Variants in GPHN observed in about 807,000 individuals in gnomAD.
GPHN encodes the protein gephyrin.
In GPHN, 17 loss-of-function variants were observed where a neutral mutation model predicts 95.5. The observed-to-expected ratio is 0.18, with a 90% CI of 0.12 to 0.27. GPHN has a LOEUF of 0.27. GPHN is among the 10% of genes least tolerant of loss of function. GPHN has a pLI of 1.00. For synonymous variants in GPHN, 320 were observed against 322.5 expected (o/e 0.99, Z 0.08); for missense variants, 660 against 978.1 (o/e 0.67, Z 4.34).
intron 11 of GPHN, among the ~76,000 whole-genome samples, chr14:67,067,429 A>G (rs2076106472): frequency 6.6e-6 from 1 of 152,180 alleles, no homozygotes; most frequent in Non-Finnish European, 1.5e-5. Context: ...TTGATGATGC[A>G]GTCTGTCCAT....
intron 5 of GPHN, among the ~76,000 whole-genome samples, chr14:66,912,489 CTATG>C (rs2065720130): frequency 6.6e-6 from 1 of 152,100 alleles, no homozygotes; most frequent in African/African-American, 2.4e-5. Context: ...AAACAATGCG[CTATG>C]TAACATGCTG....
intron 4 of GPHN, among the ~76,000 whole-genome samples, chr14:66,870,679 A>C (rs2063397850): frequency 6.6e-6 from 1 of 152,190 alleles, no homozygotes; most frequent in South Asian, 2.1e-4. Flanking sequence ...GATGAAACTA[A>C]AGTTGTGTTC....
At chr14:67,711,976 A>G in the GPHN span, among the ~76,000 whole-genome samples, 3 of 152,118 alleles carry the variant, frequency 2.0e-5, no homozygotes, top group Admixed American at 2.0e-4. Context: ...CTGAAGTGCA[A>G]TGGTGCGATC....
chr14:66,797,503 T>C (rs56094582), intron 3 of GPHN, among the ~76,000 whole-genome samples: 44,966 of 151,774 alleles, frequency 0.3, 10,735 homozygotes, highest in African/African-American at 0.63. Flanking sequence ...TTTATTTTAT[T>C]AGTGTATCAT....
At chr14:67,199,682 C>T in the GPHN span, 1 of 1,583,754 alleles carries the variant, frequency 6.3e-7, no homozygotes, top group Non-Finnish European at 8.7e-7. Context: ...TGACCGCCCT[C>T]ATCAGCTGTT....
At chr14:66,874,232 A>G (rs2063559905) in intron 4 of GPHN, among the ~76,000 whole-genome samples, 1 of 152,210 alleles carries the variant, frequency 6.6e-6, no homozygotes, top group Non-Finnish European at 1.5e-5. Context: ...GGATTTCCAC[A>G]CAGAAACCCC....
the GPHN span, among the ~76,000 whole-genome samples, chr14:67,552,983 T>C: frequency 9.2e-5 from 14 of 152,288 alleles, no homozygotes; most frequent in African/African-American, 3.4e-4. Flanking sequence ...GTGTTGTCAA[T>C]AACAGAGCGA....
the GPHN span, among the ~76,000 whole-genome samples, chr14:67,611,880 T>C: frequency 1.3e-5 from 2 of 152,138 alleles, no homozygotes; most frequent in East Asian, 1.9e-4. Context: ...TATACAACTC[T>C]CCATAATGTA....
intron 4 of GPHN, among the ~76,000 whole-genome samples, chr14:66,858,142 G>A (rs1157176616): frequency 6.6e-6 from 1 of 152,122 alleles, no homozygotes; most frequent in Non-Finnish European, 1.5e-5. Context: ...CCTGGGCTCA[G>A]ATACAGTGGG....
the GPHN span, among the ~76,000 whole-genome samples, chr14:67,361,143 A>G: frequency 6.6e-6 from 1 of 152,202 alleles, no homozygotes; most frequent in East Asian, 1.9e-4. Flanking sequence ...TAAGATAAGG[A>G]TATATTTTCG....
intron 1 of GPHN, among the ~76,000 whole-genome samples, chr14:66,645,790 C>T (rs529016229): frequency 6.6e-6 from 1 of 151,200 alleles, no homozygotes; most frequent in Admixed American, 6.6e-5. Context: ...TAATGTTTTA[C>T]ATTTGTGTCT....
the GPHN span, chr14:67,647,965 T>C: frequency 5.0e-5 from 68 of 1,351,292 alleles, no homozygotes; most frequent in Non-Finnish European, 6.3e-5. Context: ...AATCAAGGAG[T>C]TGCAACCATA....
At chr14:67,533,539 A>C in the GPHN span, 1 of 151,202 alleles carries the variant, frequency 6.6e-6, no homozygotes, top group South Asian at 2.1e-4. Context: ...GCGAGCTCCC[A>C]GCGGCGGGGA....
rs577049337 is a variant in GPHN, at chr14:67,172,963, C to T, written c.2079+3927C>T. On this transcript the variant is annotated intron_variant, in intron 21 of 22. Coordinates refer to ENST00000478722, the MANE Select transcript of GPHN (RefSeq NM_020806.5). The stretch of plus-strand genomic sequence containing the variant: ...TCCTAGATAGCAACAATAGCCTACT[C>T]CCCAGCCCCAAACGTCCAGGGGCAA... 3.8e-3 allele frequency among the ~76,000 whole-genome samples: 585 copies of T among 152,270 alleles called. 5 individuals are homozygous for T. The highest frequency in any genetic ancestry group is 0.014 in the African/African-American group (561 of 41,542).
intron 1 of GPHN, among the ~76,000 whole-genome samples, chr14:66,545,675 A>C (rs1594901390): frequency 8.7e-6 from 1 of 114,846 alleles, no homozygotes; most frequent in Admixed American, 8.5e-5. Context: ...ACTTCCCAGT[A>C]GGGGCGGCCG....
At chr14:66,850,258 T>C (rs1249806739) in intron 4 of GPHN, among the ~76,000 whole-genome samples, 2 of 152,314 alleles carry the variant, frequency 1.3e-5, no homozygotes, top group East Asian at 3.9e-4. Flanking sequence ...TATAAACTCT[T>C]ACACAATTAT....
intron 1 of GPHN, among the ~76,000 whole-genome samples, chr14:66,584,956 A>G (rs1329804927): frequency 1.3e-5 from 2 of 152,170 alleles, no homozygotes; most frequent in Non-Finnish European, 2.9e-5. Context: ...TAGTTTCAGA[A>G]GGAATGGTAC....
chr14:67,089,453 ACAT>A (rs2077061611), intron 12 of GPHN, among the ~76,000 whole-genome samples: 1 of 152,152 alleles, frequency 6.6e-6, no homozygotes, highest in Non-Finnish European at 1.5e-5. Flanking sequence ...GGTATCTGTC[ACAT>A]CAAGTGTTTA....
intron 2 of GPHN, among the ~76,000 whole-genome samples, chr14:66,718,512 G>A (rs962876812): frequency 2.0e-5 from 3 of 152,200 alleles, no homozygotes; most frequent in African/African-American, 7.2e-5. Context: ...CCACAGCGTG[G>A]AAGGGGACCC....
Sources: allele counts gnomAD v4.1 joint callset (sites outside exome capture counted in the v4.1 genomes callset), GRCh38; gene constraint gnomAD v4.1.1; transcripts MANE v1.5; gene names NCBI Gene and HGNC (gene_info 2026-07-23, HGNC 2026-07-21).